The following APPL2 variants were observed in gnomAD, a reference collection of about 807,000 sequenced individuals.
APPL2 encodes the protein adaptor protein, phosphotyrosine interacting with PH domain and leucine zipper 2.
APPL2 carries 84 observed loss-of-function variants against 92.7 expected under a neutral mutation model. The observed-to-expected ratio is 0.91, with a 90% confidence interval of 0.76 to 1.09. APPL2 has a LOEUF of 1.09. Ranked by LOEUF, APPL2 falls within the 50% of genes least tolerant of loss-of-function variation. The pLI, the probability that APPL2 is intolerant of heterozygous loss-of-function variation, is 0.00. For missense variants in APPL2, 736 were observed against 824.5 expected (o/e 0.89, Z 1.31); for synonymous variants, 291 against 291.0 (o/e 1.00, Z 0.00).
intron 8 of APPL2, 108 bp downstream of exon 8, chr12:105,206,953 T>C (rs1888752368): frequency 7.3e-7 from 1 of 1,376,036 alleles, no homozygotes; most frequent in Non-Finnish European, 9.8e-7. Context: ...AGGGAGATTG[T>C]GCATTTATGT....
intron 3 of APPL2, 70 bp downstream of exon 3, chr12:105,217,596 C>T (rs1050547741): frequency 6.9e-7 from 1 of 1,458,070 alleles, no homozygotes. Context: ...TCTAAGGATG[C>T]CTCTGGATAA....
intron 5 of APPL2, among the ~76,000 whole-genome samples, chr12:105,210,303 C>T (rs887299936): frequency 1.2e-4 from 18 of 152,254 alleles, no homozygotes; most frequent in South Asian, 8.3e-4. Flanking sequence ...CTGCAACCTT[C>T]TCCGCCCCAA....
chr12:105,207,408 G>C (rs1481506115), intron 7 of APPL2, among the ~76,000 whole-genome samples: 1 of 152,170 alleles, frequency 6.6e-6, no homozygotes, highest in Non-Finnish European at 1.5e-5. Flanking sequence ...TGCTTGTGAG[G>C]CCGCGGTGAG....
intron 2 of APPL2, among the ~76,000 whole-genome samples, chr12:105,218,875 G>C (rs1389916139): frequency 6.6e-6 from 1 of 152,176 alleles, no homozygotes; most frequent in Non-Finnish European, 1.5e-5. Context: ...GGCCTGTTTT[G>C]TGCCATTTTC....
At position 105,198,101 on chromosome 12, in the gene APPL2, A is replaced by T. The variant is rs78915842; in HGVS notation, c.864-148T>A. On this transcript the variant is annotated intron_variant, in intron 10 of 20. Transcript: ENST00000258530. ...AAAGCAAAACTGCCCATTCAAGTGG[A>T]AAGAGCAGCAGAAGGGTACAATTTA... is the stretch of plus-strand genomic sequence containing the variant. The T allele has an allele frequency of 1.8e-4, 133 of 740,372 alleles. 1 individual carries two copies. The African/African-American group carries it at 2.1e-3, about 12-fold the overall frequency. 45.9% of individuals were successfully genotyped at this position (740,372 alleles called of 1,614,324 possible).
intron 10 of APPL2, among the ~76,000 whole-genome samples, chr12:105,198,889 G>T (rs1167627812): frequency 6.6e-6 from 1 of 152,184 alleles, no homozygotes; most frequent in Non-Finnish European, 1.5e-5. Flanking sequence ...ACTTAAACCT[G>T]ATCATCCCTT....
chr12:105,204,277 G>C (rs1211988284), intron 8 of APPL2, among the ~76,000 whole-genome samples: 3 of 152,192 alleles, frequency 2.0e-5, no homozygotes, highest in Non-Finnish European at 4.4e-5. Flanking sequence ...AAAAAAGAGA[G>C]AAAACGTTCC....
intron 17 of APPL2, among the ~76,000 whole-genome samples, chr12:105,179,687 G>A (rs1473710292): frequency 1.3e-5 from 2 of 152,224 alleles, no homozygotes; most frequent in Non-Finnish European, 2.9e-5. Context: ...ACTGGTGTGA[G>A]ATGGTATCTC....
At chr12:105,224,089 G>C (rs1243844631) in intron 2 of APPL2, among the ~76,000 whole-genome samples, 2 of 152,132 alleles carry the variant, frequency 1.3e-5, no homozygotes, top group African/African-American at 4.8e-5. Context: ...CTTTTAGATT[G>C]CTATCTGAAA....
At chr12:105,234,165 A>T (rs1211056185) in intron 1 of APPL2, among the ~76,000 whole-genome samples, 1 of 152,238 alleles carries the variant, frequency 6.6e-6, no homozygotes, top group Non-Finnish European at 1.5e-5. Context: ...TATTAAAAGG[A>T]ACATATTAAA....
Position 105,174,421 on chromosome 12 carries a change from G to A in APPL2, c.1888C>T (p.Leu630=), listed in dbSNP as rs1885282813. ...CCGTCATTGGTTAGTGGTATGGACA[G>A]CATTAATTGAGCCAGTGCTTCTGGA... The part of the protein sequence containing the change: ...KDPEALAQLM[L]SIPLTNDGKY... The change falls in exon 21 of 21, where the codon CTG becomes TTG. Residue 630 remains leucine (L), a synonymous_variant. Transcript: ENST00000258530. 2 of 1,613,092 alleles carry A rather than the reference G, an allele frequency of 1.2e-6. No homozygotes were observed. Among genetic ancestry groups the A allele is most frequent in the South Asian group, 2.2e-5 (2 of 90,912 alleles).
intron 1 of APPL2, chr12:105,232,947 C>T (rs1891028195): frequency 6.0e-6 from 2 of 331,266 alleles, no homozygotes; most frequent in Non-Finnish European, 4.3e-6. Flanking sequence ...TGCTCCCAGC[C>T]GGGCCACTCA....
rs143283931 is a variant in APPL2, at chr12:105,177,247, C to T, written c.1650G>A (p.Gln550=). ...TSQSLRLIDP[Q]TQVSRANFEL... ...TTACATTGGCCCTTGATACTTGAGT[C>T]TGTGGATCTATCAACCTGAAATTTT... is the stretch of plus-strand genomic sequence containing the variant. The change falls in exon 18 of 21, where the codon CAG becomes CAA. Residue 550 remains glutamine (Q), a synonymous_variant. Transcript: ENST00000258530. 1 of 1,613,768 alleles carries T rather than the reference C, an allele frequency of 6.2e-7. No homozygotes were observed. The highest frequency in any genetic ancestry group is 8.5e-7 in the Non-Finnish European group (1 of 1,179,806).
rs1300206867 is a variant in APPL2, at chr12:105,207,947, AAAC to A, written c.474+21_474+23del. On this transcript the variant is annotated intron_variant, in intron 7 of 20. Coordinates refer to ENST00000258530, the MANE Select transcript of APPL2 (RefSeq NM_018171.5). ...AAGGCCTTTATGTAAATGAAGTGAA[AAAC>A]AACATGTAAAGTATTCTTACCTTCT... 1.9e-6 allele frequency: 3 copies of A among 1,602,738 alleles called. No individual in the cohort carries two copies. In the East Asian group the frequency reaches 6.7e-5, roughly 36 times the overall value.
In APPL2 at chr12:105,229,706, A is replaced by G. The variant is rs551495550; in HGVS notation, c.55-483T>C. 13 of 986,676 alleles carry G rather than the reference A, an allele frequency of 1.3e-5. No individual in the cohort carries two copies. In the African/African-American group the frequency reaches 1.9e-4, roughly 15 times the overall value. The allele number at this position is 986,676 out of a possible 1,614,324, so 61.1% of individuals were successfully genotyped here. On this transcript the variant is annotated intron_variant, in intron 1 of 20. Transcript: ENST00000258530. ...GCAGTCTGGTTTTTTGTAATCTTGGATGTCTTGCAGGAGTGTAGGAGTGTG... is the reference window on the plus strand; with the variant it reads ...GCAGTCTGGTTTTTTGTAATCTTGGGTGTCTTGCAGGAGTGTAGGAGTGTG...
chr12:105,217,006 A>C, intron 4 of APPL2, 63 bp downstream of exon 4: 1 of 1,277,714 alleles, frequency 7.8e-7, no homozygotes, highest in South Asian at 1.3e-5. Flanking sequence ...AAGTGGGCCA[A>C]AATAACAACA....
intron 17 of APPL2, among the ~76,000 whole-genome samples, chr12:105,178,690 A>G (rs1415488165): frequency 6.6e-6 from 1 of 152,182 alleles, no homozygotes; most frequent in Non-Finnish European, 1.5e-5. Context: ...ACTTCTTACA[A>G]CTGGTTCATC....
At chr12:105,232,459 A>G (rs1410259336) in intron 1 of APPL2, among the ~76,000 whole-genome samples, 2 of 152,238 alleles carry the variant, frequency 1.3e-5, no homozygotes, top group African/African-American at 4.8e-5. Context: ...GGTTATAAAC[A>G]AAGTTCTTAT....
intron 2 of APPL2, among the ~76,000 whole-genome samples, chr12:105,222,637 A>G (rs1890192531): frequency 6.6e-6 from 1 of 152,106 alleles, no homozygotes; most frequent in African/African-American, 2.4e-5. Flanking sequence ...TTCATTCAAC[A>G]CCTATGGGGC....
Sources: allele counts gnomAD v4.1 joint callset (sites outside exome capture counted in the v4.1 genomes callset), GRCh38; gene constraint gnomAD v4.1.1; transcripts MANE v1.5; gene names NCBI Gene and HGNC (gene_info 2026-07-23, HGNC 2026-07-21).